Variants in ARG1 observed in about 807,000 individuals in gnomAD.
The protein encoded by ARG1 is arginase 1.
ARG1 carries 20 observed loss-of-function variants against 33.0 expected under a neutral mutation model. The observed-to-expected ratio is 0.61, with a 90% CI of 0.43 to 0.88. The LOEUF is 0.88. ARG1 is among the 40% of genes least tolerant of loss of function. ARG1 has a pLI of 0.00. For synonymous variants in ARG1, 146 were observed against 140.6 expected (o/e 1.04, Z -0.27); for missense variants, 374 against 384.7 (o/e 0.97, Z 0.23).
chr6:131,576,025 C>T (rs1036298212), intron 1 of ARG1, among the ~76,000 whole-genome samples: 1 of 152,192 alleles, frequency 6.6e-6, no homozygotes, highest in African/African-American at 2.4e-5. Context: ...TTTGCCCAAT[C>T]GTTCCCTTGG....
At chr6:131,581,547 C>T (rs995977412) in intron 4 of ARG1, among the ~76,000 whole-genome samples, 169 bp downstream of exon 4, 1 of 152,200 alleles carries the variant, frequency 6.6e-6, no homozygotes, top group African/African-American at 2.4e-5. Flanking sequence ...GTGAGGCTCT[C>T]TATCTCTGCC....
chr6:131,574,985 C>T (rs1272273918), intron 1 of ARG1, among the ~76,000 whole-genome samples: 2 of 152,120 alleles, frequency 1.3e-5, no homozygotes, highest in South Asian at 2.1e-4. Context: ...ACTCCAAAGG[C>T]GACCTTATAC....
At chr6:131,581,846 T>C (rs570506423) in intron 4 of ARG1, among the ~76,000 whole-genome samples, 241 of 152,326 alleles carry the variant, frequency 1.6e-3, no homozygotes, top group African/African-American at 5.3e-3. Context: ...TAATGGTTTA[T>C]GAACTAATGT....
At chr6:131,579,687 T>A (rs764883524) in intron 3 of ARG1, 1 of 159,104 alleles carries the variant, frequency 6.3e-6, no homozygotes, top group South Asian at 1.8e-4. Flanking sequence ...TCATAACATT[T>A]TTGAAAGCAT....
chr6:131,577,062 T>A (rs1056027423), intron 2 of ARG1, among the ~76,000 whole-genome samples: 1 of 152,130 alleles, frequency 6.6e-6, no homozygotes, highest in Non-Finnish European at 1.5e-5. Flanking sequence ...GCAGGAAGTA[T>A]GCTACTAGCA....
chr6:131,574,074 T>G (rs892382495), intron 1 of ARG1: 15 of 610,476 alleles, frequency 2.5e-5, no homozygotes, highest in Admixed American at 7.8e-5. Context: ...CTTTTTTTTC[T>G]GCCTGGGCAC....
At position 131,581,390 on chromosome 6, in the gene ARG1, G is replaced by A; in HGVS notation, c.465+12G>A. The stretch of plus-strand genomic sequence containing the variant: ...AACTAAAAGGAAAGGTAAAAGACTG[G>A]TTGGTACTCTAGTGCAATAGAATAC... On this transcript the variant is annotated intron_variant, in intron 4 of 7. Transcript: ENST00000368087. The A allele has an allele frequency of 6.2e-7, 1 of 1,609,888 alleles. No individual in the cohort carries two copies. The highest frequency in any genetic ancestry group is 1.1e-5 in the South Asian group (1 of 90,446).
chr6:131,576,090 G>A (rs1041186867), intron 1 of ARG1, among the ~76,000 whole-genome samples: 1 of 152,098 alleles, frequency 6.6e-6, no homozygotes, highest in Non-Finnish European at 1.5e-5. Flanking sequence ...TACTCATGTC[G>A]CAAGACTCAG....
rs1410541435 is a variant in ARG1 at position 131,581,165 on chromosome 6, T to C, written c.306-54T>C. On this transcript the variant is annotated intron_variant, in intron 3 of 7. Transcript: ENST00000368087. ...TGGGAGCATTGAGTGAATAATATGA[T>C]GTATGTAGTGACACTGCAAACCTGA... 2.6e-6 allele frequency: 4 copies of C among 1,558,668 alleles called. No individual in the cohort carries two copies. The African/African-American group carries it at 4.1e-5, about 16-fold the overall frequency.
chr6:131,583,680 C>A, intron 7 of ARG1, 62 bp from the exon 8 acceptor site: 1 of 1,571,128 alleles, frequency 6.4e-7, no homozygotes, highest in South Asian at 1.1e-5. Flanking sequence ...TCAAGTCTGT[C>A]TGTACTACTT....
intron 2 of ARG1, among the ~76,000 whole-genome samples, chr6:131,576,982 G>C (rs919900909): frequency 8.6e-5 from 13 of 152,030 alleles, no homozygotes; most frequent in African/African-American, 1.4e-4. Context: ...GATAAATTGT[G>C]TGTGCAAGAA....
At chr6:131,574,246 G>A (rs762590716) in intron 1 of ARG1, 86 of 1,612,210 alleles carry the variant, frequency 5.3e-5, no homozygotes, top group Admixed American at 3.0e-4. Flanking sequence ...TCTGGGCAGC[G>A]TTTTGCTTCC....
intron 7 of ARG1, 69 bp downstream of exon 7, chr6:131,583,560 A>G (rs1774049251): frequency 6.9e-7 from 1 of 1,456,284 alleles, no homozygotes; most frequent in Non-Finnish European, 9.0e-7. Flanking sequence ...TACCTCCTTG[A>G]CCTGAAACCA....
intron 4 of ARG1, 123 bp downstream of exon 4, chr6:131,581,501 G>C (rs995464505): frequency 1.7e-6 from 2 of 1,197,446 alleles, no homozygotes; most frequent in Non-Finnish European, 2.4e-6. Context: ...CATTTTCTCT[G>C]CAGCCAATAA....
At chr6:131,581,542 GCTCT>G (rs1562359317) in intron 4 of ARG1, among the ~76,000 whole-genome samples, 164 bp downstream of exon 4, 3 of 152,262 alleles carry the variant, frequency 2.0e-5, no homozygotes, top group Admixed American at 6.5e-5. Context: ...AGGCAGTGAG[GCTCT>G]CTATCTCTGC....
At position 131,573,338 on chromosome 6, in the gene ARG1, A is replaced by T. The variant is rs761148101; in HGVS notation, c.56A>T (p.Gln19Leu). 2.5e-6 allele frequency: 4 copies of T among 1,613,990 alleles called. No homozygotes were observed. The Admixed American group carries it at 6.7e-5, about 27-fold the overall frequency. ...ATTGGAGCTCCTTTCTCAAAGGGAC[A>T]GGTAAGGAAAAAAGTCTTTCTTTGA... ...GIIGAPFSKG[Q>L]PRGGVEEGPT... The change falls in exon 1 of 8, where the codon CAG becomes CTG. Residue 19 changes from glutamine (Q) to leucine (L), a missense_variant and splice_region_variant. Physicochemically the swap from Gln to Leu is moderately radical, Grantham distance 113. Coordinates refer to ENST00000368087, the MANE Select transcript of ARG1 (RefSeq NM_000045.4).
chr6:131,579,508 A>T, intron 3 of ARG1: 1 of 427,998 alleles, frequency 2.3e-6, no homozygotes. Flanking sequence ...TACAGCAGAA[A>T]ATGTATGAAA....
chr6:131,580,674 A>G (rs555926925), intron 3 of ARG1, among the ~76,000 whole-genome samples: 1 of 152,352 alleles, frequency 6.6e-6, no homozygotes, highest in African/African-American at 2.4e-5. Context: ...CATTGAATAG[A>G]ATGAGTGAAC....
rs1367079499 is a variant in ARG1, at chr6:131,584,066, C to T, written c.*158C>T. The stretch of plus-strand genomic sequence containing the variant: ...ACAAATTCCCTCTTGGTGTAAAATT[C>T]AAGATGTGGAAATTCTAACTTTTTT... On this transcript the variant is annotated 3_prime_UTR_variant, in exon 8 of 8. Transcript: ENST00000368087. 1.2e-6 allele frequency: 1 copy of T among 827,218 alleles called. No homozygotes were observed. Among genetic ancestry groups the T allele is most frequent in the Non-Finnish European group, 1.8e-6 (1 of 551,960 alleles). 51.2% of individuals were successfully genotyped at this position (827,218 alleles called of 1,614,324 possible). A position where few individuals can be genotyped will look rare whatever the true frequency, so the allele number is the denominator to read the frequency against.
Sources: allele counts gnomAD v4.1 joint callset (sites outside exome capture counted in the v4.1 genomes callset), GRCh38; gene constraint gnomAD v4.1.1; transcripts MANE v1.5; gene names NCBI Gene and HGNC (gene_info 2026-07-23, HGNC 2026-07-21).